The following PDZRN4 variants were observed in gnomAD, a reference collection of about 807,000 sequenced individuals.
The protein encoded by PDZRN4 is PDZ domain containing ring finger 4.
A neutral mutation model predicts 99.0 loss-of-function variants in PDZRN4; 70 were observed. That is an observed-to-expected ratio of 0.71 (90% CI 0.58 to 0.86). The LOEUF (loss-of-function observed/expected upper bound fraction) is 0.86. Ranked by LOEUF, PDZRN4 falls within the 40% of genes least tolerant of loss-of-function variation. PDZRN4 has a pLI of 0.00. For missense variants in PDZRN4, 1,474 were observed against 1,331.2 expected, an observed-to-expected ratio of 1.11 and a Z score of -1.67; for synonymous variants, 551 against 501.6, an observed-to-expected ratio of 1.10 and a Z score of -1.32.
intron 5 of PDZRN4, among the ~76,000 whole-genome samples, chr12:41,535,077 T>C (rs546417981): frequency 2.0e-5 from 3 of 152,350 alleles, no homozygotes; most frequent in Admixed American, 2.0e-4. Flanking sequence ...CTAATGTTTA[T>C]AAATTCTTCT....
intron 3 of PDZRN4, among the ~76,000 whole-genome samples, chr12:41,197,919 G>GTTTTTTTTTTTT (rs764851464): frequency 3.2e-4 from 36 of 113,466 alleles, no homozygotes; most frequent in African/African-American, 1.1e-3. Context: ...GTTTTTTCTG[G>GTTTTTTTTTTTT]GTTTTTTTTT....
At chr12:41,328,592 A>G (rs1023136777) in intron 3 of PDZRN4, among the ~76,000 whole-genome samples, 6 of 152,170 alleles carry the variant, frequency 3.9e-5, no homozygotes, top group African/African-American at 1.4e-4. Flanking sequence ...TTTTTTTAAA[A>G]AACATTGGTT....
At chr12:41,544,034 A>G (rs552923025) in intron 5 of PDZRN4, among the ~76,000 whole-genome samples, 2 of 152,322 alleles carry the variant, frequency 1.3e-5, no homozygotes, top group South Asian at 2.1e-4. Context: ...AGAAATAACT[A>G]CTGTGCACTG....
At chr12:41,561,343 A>T (rs1446613868) in intron 7 of PDZRN4, among the ~76,000 whole-genome samples, 3 of 151,986 alleles carry the variant, frequency 2.0e-5, no homozygotes, top group African/African-American at 7.2e-5. Flanking sequence ...TAACAATAGC[A>T]TCAACAGTAA....
At chr12:41,510,253 T>C (rs2730825) in intron 5 of PDZRN4, among the ~76,000 whole-genome samples, 17,990 of 152,142 alleles carry the variant, frequency 0.12, 1,107 homozygotes, top group African/African-American at 0.15. Flanking sequence ...TTGTGTTTAC[T>C]ATTTTCATTT....
At chr12:41,518,739 G>T (rs1490035127) in intron 5 of PDZRN4, among the ~76,000 whole-genome samples, 1 of 151,958 alleles carries the variant, frequency 6.6e-6, no homozygotes, top group Non-Finnish European at 1.5e-5. Context: ...ATGGCTTGAG[G>T]CCAGGAGTTT....
At chr12:41,439,415 G>A (rs1021259478) in intron 3 of PDZRN4, among the ~76,000 whole-genome samples, 6 of 152,164 alleles carry the variant, frequency 3.9e-5, no homozygotes, top group South Asian at 2.1e-4. Flanking sequence ...TGGTGGAGGA[G>A]CAGAGGAGTG....
At chr12:41,458,388 C>T (rs1952836352) in intron 3 of PDZRN4, among the ~76,000 whole-genome samples, 1 of 152,138 alleles carries the variant, frequency 6.6e-6, no homozygotes, top group African/African-American at 2.4e-5. Context: ...AACTACTGAC[C>T]TCAGGTGATC....
rs1404703023 is a variant in PDZRN4, at chr12:41,501,861, A to G, written c.844-4595A>G. Reference sequence around the variant, plus strand: ...AGACCTTCTCAGAAAATGGTTTCCTATGATCAATTTTTCTTCTAGTTTCCT... The same window carrying G: ...AGACCTTCTCAGAAAATGGTTTCCTGTGATCAATTTTTCTTCTAGTTTCCT... On this transcript the variant is annotated intron_variant, in intron 3 of 9. Transcript: ENST00000402685. Among the ~76,000 whole-genome samples, 4 of 152,106 alleles carry G rather than the reference A, an allele frequency of 2.6e-5. No individual in the cohort carries two copies. In the East Asian group the frequency reaches 7.7e-4, roughly 29 times the overall value.
At chr12:41,251,267 C>G (rs1391166044) in intron 3 of PDZRN4, among the ~76,000 whole-genome samples, 1 of 152,036 alleles carries the variant, frequency 6.6e-6, no homozygotes, top group Admixed American at 6.6e-5. Flanking sequence ...ATCATCAGTC[C>G]TCTTCAATTA....
intron 5 of PDZRN4, among the ~76,000 whole-genome samples, chr12:41,550,464 G>A (rs1322781153): frequency 4.6e-5 from 7 of 152,106 alleles, no homozygotes; most frequent in Non-Finnish European, 1.5e-5. Context: ...TGCAGTTTTA[G>A]TCAAGTATTC....
At chr12:41,478,359 G>T (rs191694052) in intron 3 of PDZRN4, among the ~76,000 whole-genome samples, 1 of 151,986 alleles carries the variant, frequency 6.6e-6, no homozygotes, top group Non-Finnish European at 1.5e-5. Context: ...CAGGTGATCC[G>T]CCTGTCTCAG....
chr12:41,566,660 T>C (rs1939378027), intron 8 of PDZRN4, among the ~76,000 whole-genome samples: 1 of 152,208 alleles, frequency 6.6e-6, no homozygotes. Context: ...ATGATACCTG[T>C]ATGCTAATGC....
chr12:41,273,829 C>T (rs913292284), intron 3 of PDZRN4, among the ~76,000 whole-genome samples: 4 of 152,034 alleles, frequency 2.6e-5, no homozygotes, highest in African/African-American at 9.7e-5. Context: ...TGCTATTTAT[C>T]ATTAAATTTA....
At chr12:41,547,778 G>A (rs12826427) in intron 5 of PDZRN4, among the ~76,000 whole-genome samples, 8,587 of 152,144 alleles carry the variant, frequency 0.056, 318 homozygotes, top group Non-Finnish European at 0.083. Context: ...CCCATTAACA[G>A]TAGAGGCAAA....
intron 8 of PDZRN4, among the ~76,000 whole-genome samples, chr12:41,566,985 C>T (rs7966799): frequency 0.14 from 21,592 of 152,128 alleles, 1,779 homozygotes; most frequent in East Asian, 0.32. Context: ...CAGTTTTCCA[C>T]TTCACTTTGT....
At position 41,188,975 on chromosome 12, in the gene PDZRN4, CT is replaced by C. The variant is rs1292249399; in HGVS notation, c.521del (p.Leu174ArgfsTer54). Reference sequence around the variant, plus strand: ...CGCCTGGAGGCGGCGCGAGAAGGCGCTGCTGGCGCAGCTCTGGGCGCTGCAG... The same window carrying C: ...CGCCTGGAGGCGGCGCGAGAAGGCGCGCTGGCGCAGCTCTGGGCGCTGCAG... The part of the protein sequence containing the change: ...VLAWRRREKA[L>X]LAQLWALQGE... On this transcript the variant is annotated frameshift_variant, in exon 1 of 10. Coordinates refer to ENST00000402685, the MANE Select transcript of PDZRN4 (RefSeq NM_001164595.2). LOFTEE classifies it high-confidence loss of function. The C allele has an allele frequency of 6.7e-7, 1 of 1,485,090 alleles. No homozygotes were observed. The highest frequency in any genetic ancestry group is 8.9e-7 in the Non-Finnish European group (1 of 1,120,444). The allele number at this position is 1,485,090 out of a possible 1,614,324, so 92.0% of individuals were successfully genotyped here. A position where few individuals can be genotyped will look rare whatever the true frequency, so the allele number is the denominator to read the frequency against.
intron 3 of PDZRN4, among the ~76,000 whole-genome samples, chr12:41,213,342 A>G (rs769008818): frequency 1.3e-5 from 2 of 152,062 alleles, no homozygotes; most frequent in African/African-American, 2.4e-5. Context: ...GTTTGGCAGT[A>G]GAGAGAAAAC....
intron 9 of PDZRN4, 38 bp from the exon 10 acceptor site, chr12:41,572,326 C>A (rs766984984): frequency 6.6e-7 from 1 of 1,520,252 alleles, no homozygotes; most frequent in South Asian, 1.2e-5. Flanking sequence ...CTTCCAAAAT[C>A]ATTAATTTTC....
Sources: allele counts gnomAD v4.1 joint callset (sites outside exome capture counted in the v4.1 genomes callset), GRCh38; gene constraint gnomAD v4.1.1; transcripts MANE v1.5; gene names NCBI Gene and HGNC (gene_info 2026-07-23, HGNC 2026-07-21).